Variants in IL3RA observed in about 807,000 individuals in gnomAD.
The protein encoded by IL3RA is interleukin 3 receptor subunit alpha.
IL3RA carries 73 observed loss-of-function variants against 52.3 expected under a neutral mutation model. The ratio of observed to expected loss-of-function variants is 1.40; its 90% CI spans 1.16 to 1.70. The LOEUF is 1.70. IL3RA is among the 40% of genes most tolerant of loss of function. The pLI is 0.00. For missense variants in IL3RA, 664 were observed against 504.4 expected (o/e 1.32, Z -3.03); for synonymous variants, 260 against 194.0 (o/e 1.34, Z -2.83).
chrX:1,339,373 T>C (rs17883813), intron 1 of IL3RA, among the ~76,000 whole-genome samples: 32,470 of 152,170 alleles, frequency 0.21, 3,627 homozygotes, highest in Middle Eastern at 0.26. Context: ...AACCTCATTT[T>C]ACCTTTTCCC....
intron 8 of IL3RA, among the ~76,000 whole-genome samples, chrX:1,359,316 G>A (rs1457841455): frequency 6.6e-6 from 1 of 151,944 alleles, no homozygotes; most frequent in East Asian, 1.9e-4. Context: ...TCAGACAGGT[G>A]GCCCAGACCT....
chrX:1,360,854 C>CCTCTCTCTCCCTTCCCCTCT (rs1569524742), intron 8 of IL3RA, among the ~76,000 whole-genome samples: 7 of 134,514 alleles, frequency 5.2e-5, no homozygotes, highest in Non-Finnish European at 8.1e-5. Context: ...TAGCTCTCTC[C>CCTCTCTCTCCCTTCCCCTCT]CTGTCTCTCT....
intron 2 of IL3RA, among the ~76,000 whole-genome samples, chrX:1,342,065 A>C (rs1469437038): frequency 2.0e-5 from 3 of 152,130 alleles, no homozygotes; most frequent in African/African-American, 7.2e-5. Context: ...ATCGTGACAC[A>C]GATGCCATGT....
chrX:1,377,664 T>C (rs1325832119), intron 9 of IL3RA, among the ~76,000 whole-genome samples: 1 of 149,868 alleles, frequency 6.7e-6, no homozygotes, highest in African/African-American at 2.5e-5. Flanking sequence ...GTCATAGATG[T>C]ATGTTTTTTT....
At chrX:1,356,396 A>G in intron 7 of IL3RA, 60 bp downstream of exon 7, 1 of 1,019,626 alleles carries the variant, frequency 9.8e-7, no homozygotes, top group Admixed American at 2.1e-5. Flanking sequence ...ATTTTTGGTA[A>G]GTCGCACTCT....
At chrX:1,355,456 G>GGGAGGAGGAGGGGGA (rs2086630040) in intron 6 of IL3RA, among the ~76,000 whole-genome samples, 1 of 110,890 alleles carries the variant, frequency 9.0e-6, no homozygotes, top group Non-Finnish European at 2.0e-5. Flanking sequence ...AGACCAGGAG[G>GGGAGGAGGAGGGGGA]GTAGGAGGAG....
At chrX:1,378,906 G>T (rs1268211505) in intron 10 of IL3RA, 142 bp downstream of exon 10, 42 of 795,502 alleles carry the variant, frequency 5.3e-5, no homozygotes, top group Middle Eastern at 3.6e-4. Flanking sequence ...GCAGTGGCAC[G>T]ATCTGGGCTC....
intron 2 of IL3RA, among the ~76,000 whole-genome samples, chrX:1,343,351 C>T (rs1431941902): frequency 4.6e-5 from 7 of 151,848 alleles, no homozygotes; most frequent in African/African-American, 1.7e-4. Flanking sequence ...TTTGGGTGAC[C>T]AGCAAAATGT....
Position 1,382,363 on chromosome X carries a change from C to T in IL3RA, c.1063-28C>T, listed in dbSNP as rs202129396. 3.1e-6 allele frequency: 5 copies of T among 1,600,584 alleles called. No individual in the cohort carries two copies. In the African/African-American group the frequency reaches 6.7e-5, roughly 22 times the overall value. On this transcript the variant is annotated intron_variant, in intron 11 of 11. Transcript: ENST00000331035. Reference sequence around the variant, plus strand: ...GCTCTGTTATCTGGGGGGTGGCCGACTCACCCTGCCTCCTCTCGTCTCTGC... The same window carrying T: ...GCTCTGTTATCTGGGGGGTGGCCGATTCACCCTGCCTCCTCTCGTCTCTGC...
At chrX:1,379,960 G>A (rs560103243) in intron 10 of IL3RA, among the ~76,000 whole-genome samples, 4 of 151,858 alleles carry the variant, frequency 2.6e-5, no homozygotes, top group South Asian at 4.1e-4. Context: ...GGGTTTCTCC[G>A]TGTTGGTCAG....
chrX:1,365,252 G>C lies in IL3RA; in HGVS notation c.874G>C (p.Glu292Gln). Reference sequence around the variant, plus strand: ...CGCCTGGAGCACCCCCCAGCGCTTCGGTGAGTGGGCTGTGCGGGGTGCGCG... The same window carrying C: ...CGCCTGGAGCACCCCCCAGCGCTTCCGTGAGTGGGCTGTGCGGGGTGCGCG... The part of the protein sequence containing the change: ...LSAWSTPQRF[E>Q]CDQEEGANTR... The change falls in exon 9 of 12, where the codon GAG becomes CAG. Residue 292 changes from glutamate to glutamine, a missense_variant and splice_region_variant. Glu to Gln is a conservative substitution (Grantham distance 29). Coordinates refer to ENST00000331035, the MANE Select transcript of IL3RA (RefSeq NM_002183.4). 3.1e-6 allele frequency: 5 copies of C among 1,606,578 alleles called. No individual in the cohort carries two copies. The highest frequency in any genetic ancestry group is 4.3e-6 in the Non-Finnish European group (5 of 1,175,720).
intron 6 of IL3RA, among the ~76,000 whole-genome samples, chrX:1,354,123 A>C (rs17881139): frequency 0.022 from 3,253 of 150,478 alleles, 123 homozygotes; most frequent in African/African-American, 0.075. Flanking sequence ...GGGTCCCATC[A>C]TGGGTCATGG....
intron 1 of IL3RA, among the ~76,000 whole-genome samples, chrX:1,341,520 G>A (rs2148873837): frequency 7.2e-6 from 1 of 139,624 alleles, no homozygotes; most frequent in East Asian, 2.1e-4. Flanking sequence ...GAATATTCGT[G>A]CACACATGTA....
intron 8 of IL3RA, among the ~76,000 whole-genome samples, chrX:1,361,842 C>T (rs1295401776): frequency 6.6e-5 from 10 of 151,732 alleles, no homozygotes; most frequent in Admixed American, 3.3e-4. Context: ...TTCACTACCC[C>T]GAGAACAGTG....
chrX:1,377,695 T>C (rs2088874402), intron 9 of IL3RA, among the ~76,000 whole-genome samples: 3 of 138,450 alleles, frequency 2.2e-5, no homozygotes, highest in Admixed American at 7.2e-5. Context: ...AGAGAGAGTC[T>C]CTCTCTATTG....
At chrX:1,382,343 G>A in intron 11 of IL3RA, 48 bp from the exon 12 acceptor site, 3 of 1,382,014 alleles carry the variant, frequency 2.2e-6, no homozygotes, top group Non-Finnish European at 2.9e-6. Flanking sequence ...CGTGGGCTCT[G>A]TTATCTGGGG....
In IL3RA at chrX:1,352,911, T is replaced by C. The variant is rs752274177; in HGVS notation, c.616+405T>C. Among the ~76,000 whole-genome samples, 44 of 44,872 alleles carry C rather than the reference T, an allele frequency of 9.8e-4. 5 individuals are homozygous for C. Among genetic ancestry groups the C allele is most frequent in the African/African-American group, 2.4e-3 (39 of 16,532 alleles). 29.4% of individuals were successfully genotyped at this position (44,872 alleles called of 152,430 possible). ...CCATGATGGGTTTCATCATGAGTCATAGAACCCCCTATCATGGATTCCATC... is the reference window on the plus strand; with the variant it reads ...CCATGATGGGTTTCATCATGAGTCACAGAACCCCCTATCATGGATTCCATC... On this transcript the variant is annotated intron_variant, in intron 6 of 11. Coordinates refer to ENST00000331035, the MANE Select transcript of IL3RA (RefSeq NM_002183.4).
At chrX:1,346,013 T>A (rs2085726301) in intron 3 of IL3RA, among the ~76,000 whole-genome samples, 1 of 151,906 alleles carries the variant, frequency 6.6e-6, no homozygotes, top group African/African-American at 2.4e-5. Flanking sequence ...AAGCTATGAC[T>A]GGTGCGAAAC....
intron 10 of IL3RA, among the ~76,000 whole-genome samples, chrX:1,379,739 C>A (rs770652836): frequency 1.3e-5 from 2 of 152,340 alleles, no homozygotes; most frequent in East Asian, 3.9e-4. Context: ...TTTTTGGTCA[C>A]CAGCTGGGTC....
Sources: allele counts gnomAD v4.1 joint callset (sites outside exome capture counted in the v4.1 genomes callset), GRCh38; gene constraint gnomAD v4.1.1; transcripts MANE v1.5; gene names NCBI Gene and HGNC (gene_info 2026-07-23, HGNC 2026-07-21).